CTNNA3: variants seen among roughly 807,000 people sequenced by gnomAD.
CTNNA3 encodes catenin alpha 3.
CTNNA3 carries 76 observed loss-of-function variants against 95.7 expected under a neutral mutation model. That is an observed-to-expected ratio of 0.79 (90% confidence interval 0.66 to 0.96). The LOEUF is 0.96. Ranked by LOEUF, CTNNA3 falls within the 40% of genes least tolerant of loss-of-function variation. CTNNA3 has a pLI of 0.00. For synonymous variants in CTNNA3, 431 were observed against 374.4 expected (o/e 1.15, Z -1.74); for missense variants, 1,191 against 1,089.8 (o/e 1.09, Z -1.31).
At chr10:67,421,936 CT>C (rs1284104378) in intron 5 of CTNNA3, among the ~76,000 whole-genome samples, 1 of 152,106 alleles carries the variant, frequency 6.6e-6, no homozygotes, top group Admixed American at 6.6e-5. Flanking sequence ...TATAATATCA[CT>C]AATATTGGGA....
intron 6 of CTNNA3, among the ~76,000 whole-genome samples, chr10:67,191,894 C>A (rs1863136080): frequency 6.6e-6 from 1 of 151,832 alleles, no homozygotes; most frequent in Non-Finnish European, 1.5e-5. Context: ...TAAAAACATA[C>A]ACAAACACCA....
At chr10:67,157,048 C>T (rs1410115966) in intron 7 of CTNNA3, among the ~76,000 whole-genome samples, 11 of 152,136 alleles carry the variant, frequency 7.2e-5, no homozygotes, top group Non-Finnish European at 1.2e-4. Flanking sequence ...TCCTTTCTCT[C>T]TTAGTACAGT....
intron 11 of CTNNA3, among the ~76,000 whole-genome samples, chr10:66,445,084 C>T (rs1207304976): frequency 6.6e-6 from 1 of 152,030 alleles, no homozygotes; most frequent in Non-Finnish European, 1.5e-5. Context: ...AAGGCCATTA[C>T]ATAATGGTAA....
chr10:65,927,943 C>T (rs1157753240), intron 17 of CTNNA3, among the ~76,000 whole-genome samples: 1 of 152,116 alleles, frequency 6.6e-6, no homozygotes, highest in African/African-American at 2.4e-5. Flanking sequence ...TATTCTGCAT[C>T]CTCAGTCACA....
chr10:67,040,809 CAT>C (rs1182031837), intron 7 of CTNNA3, among the ~76,000 whole-genome samples: 1 of 152,060 alleles, frequency 6.6e-6, no homozygotes, highest in Non-Finnish European at 1.5e-5. Flanking sequence ...AATTATACCA[CAT>C]GATGTTAAAT....
intron 5 of CTNNA3, among the ~76,000 whole-genome samples, chr10:67,347,846 A>AC (rs1554825572): frequency 6.6e-6 from 1 of 151,316 alleles, no homozygotes; most frequent in Non-Finnish European, 1.5e-5. Context: ...AAAAAAAAAA[A>AC]AACACAAAAA....
chr10:67,330,203 AT>A, intron 5 of CTNNA3, among the ~76,000 whole-genome samples: 1 of 152,302 alleles, frequency 6.6e-6, no homozygotes, highest in East Asian at 1.9e-4. Context: ...GACAAGGACA[AT>A]TCATATTGGA....
chr10:66,944,399 C>T (rs1382936642), intron 7 of CTNNA3, among the ~76,000 whole-genome samples: 1 of 152,086 alleles, frequency 6.6e-6, no homozygotes, highest in East Asian at 1.9e-4. Flanking sequence ...ATTCTAGTTC[C>T]CCGCTATTTC....
chr10:67,367,405 C>CAA lies in CTNNA3; in HGVS notation c.580-147537_580-147536dup, dbSNP rs368044423. ...GTCAGAATGTCTATTAATAAAAAGT[C>CAA]AAAAAAAAAACAGATGTTGGTGAAG... On this transcript the variant is annotated intron_variant, in intron 5 of 17. Coordinates refer to ENST00000433211, the MANE Select transcript of CTNNA3 (RefSeq NM_013266.4). 4.5e-3 allele frequency among the ~76,000 whole-genome samples: 637 copies of CAA among 142,410 alleles called. 6 individuals are homozygous for CAA. The highest frequency in any genetic ancestry group is 0.016 in the African/African-American group (612 of 39,032). 93.4% of individuals were successfully genotyped at this position (142,410 alleles called of 152,430 possible). A position where few individuals can be genotyped will look rare whatever the true frequency, so the allele number is the denominator to read the frequency against.
intron 7 of CTNNA3, among the ~76,000 whole-genome samples, chr10:66,993,378 T>C (rs1363268155): frequency 6.6e-6 from 1 of 152,148 alleles, no homozygotes; most frequent in Non-Finnish European, 1.5e-5. Context: ...GAAGGTAAAG[T>C]AGACTGCACC....
intron 7 of CTNNA3, among the ~76,000 whole-genome samples, chr10:66,985,724 A>ATTTG (rs556516524): frequency 6.6e-6 from 1 of 151,856 alleles, no homozygotes; most frequent in Non-Finnish European, 1.5e-5. Context: ...CTGTTTGTTT[A>ATTTG]TTTGTTTGTT....
At chr10:66,012,802 T>C (rs1363292989) in intron 15 of CTNNA3, among the ~76,000 whole-genome samples, 1 of 152,236 alleles carries the variant, frequency 6.6e-6, no homozygotes, top group Middle Eastern at 3.2e-3. Flanking sequence ...TTCTTTTTGC[T>C]AGATTGACAG....
chr10:66,081,579 T>C (rs929520728), intron 14 of CTNNA3, among the ~76,000 whole-genome samples: 4 of 152,162 alleles, frequency 2.6e-5, no homozygotes, highest in African/African-American at 9.6e-5. Flanking sequence ...TTAAACTCCA[T>C]AGACTACAAT....
At chr10:66,057,896 G>A (rs1027998696) in intron 15 of CTNNA3, among the ~76,000 whole-genome samples, 15 of 152,154 alleles carry the variant, frequency 9.9e-5, no homozygotes, top group Middle Eastern at 6.8e-3. Context: ...AGATATTTGT[G>A]TATATTTACC....
chr10:67,638,905 AG>A (rs1181483515), intron 2 of CTNNA3, among the ~76,000 whole-genome samples: 17 of 152,340 alleles, frequency 1.1e-4, no homozygotes, highest in African/African-American at 3.8e-4. Context: ...AAGAGAAAGC[AG>A]GAAAGATCTA....
At chr10:67,014,343 C>T (rs1193755663) in intron 7 of CTNNA3, among the ~76,000 whole-genome samples, 1 of 152,076 alleles carries the variant, frequency 6.6e-6, no homozygotes, top group Non-Finnish European at 1.5e-5. Flanking sequence ...GGAATCTTGG[C>T]TTCTATTTAC....
chr10:66,878,256 G>A (rs942841951), intron 7 of CTNNA3, among the ~76,000 whole-genome samples: 1 of 152,014 alleles, frequency 6.6e-6, no homozygotes. Flanking sequence ...TCTGTTAAAT[G>A]TTTTAGAATA....
intron 7 of CTNNA3, among the ~76,000 whole-genome samples, chr10:67,035,741 G>C (rs570570069): frequency 6.6e-6 from 1 of 152,050 alleles, no homozygotes; most frequent in Non-Finnish European, 1.5e-5. Context: ...TCACAGAAAT[G>C]CTTTCACTGT....
chr10:66,394,567 AAAAAG>A (rs1474594213), intron 11 of CTNNA3, among the ~76,000 whole-genome samples: 4 of 151,302 alleles, frequency 2.6e-5, no homozygotes, highest in Non-Finnish European at 5.9e-5. Flanking sequence ...AAAAAAAAAA[AAAAAG>A]AAGAAGAAAT....
Sources: gnomAD v4.1 joint callset for allele counts (sites outside exome capture counted in the v4.1 genomes callset) on GRCh38, gnomAD v4.1.1 for gene constraint, MANE v1.5 for transcripts, NCBI Gene and HGNC (gene_info 2026-07-23, HGNC 2026-07-21) for gene names.